CIT: variants seen among roughly 807,000 people sequenced by gnomAD.
The protein encoded by CIT is citron Rho-interacting kinase.
CIT carries 79 observed loss-of-function variants against 272.7 expected under a neutral mutation model. The ratio of observed to expected loss-of-function variants is 0.29; its 90% CI spans 0.24 to 0.35. The LOEUF is 0.35. Ranked by LOEUF, CIT falls within the 10% of genes least tolerant of loss-of-function variation. The probability of loss-of-function intolerance (pLI) is 1.00; values close to 1 mark genes in which losing one functional copy is unlikely to be tolerated. For synonymous variants in CIT, 948 were observed against 995.6 expected, an observed-to-expected ratio of 0.95 and a Z score of 0.90; for missense variants, 1,909 against 2,618.3, an observed-to-expected ratio of 0.73 and a Z score of 5.91.
At chr12:119,763,075 T>C (rs1962012241) in intron 19 of CIT, among the ~76,000 whole-genome samples, 1 of 151,964 alleles carries the variant, frequency 6.6e-6, no homozygotes, top group Admixed American at 6.6e-5. Context: ...TAAAAGAACA[T>C]ACGGATCTCT....
rs1448925029 is a variant in CIT at position 119,686,177 on chromosome 12, G to A, written c.*2055C>T. 6.6e-6 allele frequency: 1 copy of A among 151,788 alleles called. No individual in the cohort carries two copies. Among genetic ancestry groups the A allele is most frequent in the Non-Finnish European group, 1.5e-5 (1 of 67,924 alleles). The allele number at this position is 151,788 out of a possible 1,614,324, so 9.4% of individuals were successfully genotyped here. On this transcript the variant is annotated 3_prime_UTR_variant, in exon 48 of 48. Transcript: ENST00000392521. ...ATAAAGTTTCTTGTAAATATGTACA[G>A]TCTTTTGAGCTAGTTCTATATAGCA...
chr12:119,774,900 T>G (rs1252639212), intron 16 of CIT, among the ~76,000 whole-genome samples: 1 of 151,132 alleles, frequency 6.6e-6, no homozygotes, highest in Non-Finnish European at 1.5e-5. Context: ...CCTGAGCGTG[T>G]GAAGTCAAGG....
At chr12:119,808,048 C>T (rs1966709282) in intron 9 of CIT, among the ~76,000 whole-genome samples, 1 of 151,974 alleles carries the variant, frequency 6.6e-6, no homozygotes, top group Admixed American at 6.5e-5. Flanking sequence ...GTTTTTGTTT[C>T]AGTTATAAAA....
At chr12:119,810,537 T>TA (rs942463209) in intron 9 of CIT, among the ~76,000 whole-genome samples, 8 of 151,312 alleles carry the variant, frequency 5.3e-5, no homozygotes, top group East Asian at 1.9e-4. Flanking sequence ...CCATCTCTAC[T>TA]AAAAAAAATA....
intron 5 of CIT, among the ~76,000 whole-genome samples, chr12:119,836,229 G>A (rs1968999410): frequency 7.1e-6 from 1 of 140,418 alleles, no homozygotes; most frequent in Non-Finnish European, 1.5e-5. Flanking sequence ...AGAGGTTGCA[G>A]TGAGCTGAGA....
chr12:119,710,603 G>A lies in CIT; in HGVS notation c.4872C>T (p.Ser1624=). Reference sequence around the variant, plus strand: ...GGTCATCACCTTCCAGTTTCAGCAGGGAGTTTCCAAGCAGTTTCTTTTCAT... The same window carrying A: ...GGTCATCACCTTCCAGTTTCAGCAGAGAGTTTCCAAGCAGTTTCTTTTCAT... The part of the protein sequence containing the change: ...AEADAKLLGN[S]LLKLEGDDRL... Residue 1624 remains serine (S), a synonymous_variant, in exon 38 of 48, where the codon TCC becomes TCT. Coordinates refer to ENST00000392521, the MANE Select transcript of CIT (RefSeq NM_001206999.2). The surrounding 1 kb of genome is among the most constrained non-coding windows in gnomAD (Gnocchi z 5.6). 6.2e-7 allele frequency: 1 copy of A among 1,614,154 alleles called. No homozygotes were observed. The highest frequency in any genetic ancestry group is 1.7e-5 in the Admixed American group (1 of 60,020).
At chr12:119,699,960 T>G in intron 44 of CIT, 1 of 453,922 alleles carries the variant, frequency 2.2e-6, no homozygotes, top group South Asian at 1.5e-5. Flanking sequence ...AGTTCCACTT[T>G]TAGGAGCTTA....
At position 119,687,466 on chromosome 12, in the gene CIT, G is replaced by C. The variant is rs1291098539; in HGVS notation, c.*766C>G. 3.3e-5 allele frequency: 5 copies of C among 152,684 alleles called. No homozygotes were observed. Among genetic ancestry groups the C allele is most frequent in the Non-Finnish European group, 7.3e-5 (5 of 68,116 alleles). The allele number at this position is 152,684 out of a possible 1,614,324, so 9.5% of individuals were successfully genotyped here. Reference sequence around the variant, plus strand: ...GGGGTGGGGAAGGAAAGCGTCTCGAGGTCCCTTGGCCCCAAGTCACTGCCT... The same window carrying C: ...GGGGTGGGGAAGGAAAGCGTCTCGACGTCCCTTGGCCCCAAGTCACTGCCT... On this transcript the variant is annotated 3_prime_UTR_variant, in exon 48 of 48. Coordinates refer to ENST00000392521, the MANE Select transcript of CIT (RefSeq NM_001206999.2).
intron 5 of CIT, among the ~76,000 whole-genome samples, chr12:119,839,006 G>A (rs2138164938): frequency 6.6e-6 from 1 of 152,330 alleles, no homozygotes; most frequent in East Asian, 1.9e-4. Flanking sequence ...GCCTGGCTTG[G>A]AGCTATAATG....
chr12:119,848,474 C>T (rs1969976538), intron 5 of CIT, among the ~76,000 whole-genome samples: 1 of 152,136 alleles, frequency 6.6e-6, no homozygotes, highest in Admixed American at 6.6e-5. Context: ...CCAGGATACA[C>T]TTGTTAAATT....
intron 10 of CIT, among the ~76,000 whole-genome samples, chr12:119,785,384 TCA>T (rs368404646): frequency 6.4e-4 from 97 of 151,866 alleles, no homozygotes; most frequent in African/African-American, 2.3e-3. Context: ...AGGATCGGAG[TCA>T]CAGAGACCTG....
chr12:119,735,393 A>T (rs545794471), intron 24 of CIT, 36 bp from the exon 25 acceptor site: 1 of 1,598,842 alleles, frequency 6.3e-7, no homozygotes, highest in South Asian at 1.1e-5. Flanking sequence ...CACGCCAAGC[A>T]CATTCATTTC....
At chr12:119,875,782 C>T (rs1359903756) in intron 2 of CIT, among the ~76,000 whole-genome samples, 1 of 151,962 alleles carries the variant, frequency 6.6e-6, no homozygotes, top group East Asian at 1.9e-4. Context: ...AGGAGTTCGA[C>T]CCTAGCCTGG....
Position 119,718,507 on chromosome 12 carries a change from C to A in CIT, c.4004-98G>T. ...TGGGCTATCTTTCAAGGACCCAAGA[C>A]CAAAAGAATATGCGTCACATCAACT... On this transcript the variant is annotated intron_variant, in intron 31 of 47. Transcript: ENST00000392521. The surrounding 1 kb of genome is among the most constrained non-coding windows in gnomAD (Gnocchi z 4.8). 5.4e-6 allele frequency: 8 copies of A among 1,481,746 alleles called. No individual in the cohort carries two copies. The highest frequency in any genetic ancestry group is 7.3e-6 in the Non-Finnish European group (8 of 1,095,080). The allele number at this position is 1,481,746 out of a possible 1,614,324, so 91.8% of individuals were successfully genotyped here. A position where few individuals can be genotyped will look rare whatever the true frequency, so the allele number is the denominator to read the frequency against.
chr12:119,809,966 G>A (rs909775775), intron 9 of CIT, among the ~76,000 whole-genome samples: 7 of 152,166 alleles, frequency 4.6e-5, no homozygotes, highest in South Asian at 2.1e-4. Flanking sequence ...GTGGAAGCTC[G>A]CAACCCTTCC....
In CIT at chr12:119,845,943, A is replaced by AACACACACACAC. The variant is rs58381184; in HGVS notation, c.516+4219_516+4230dup. Among the ~76,000 whole-genome samples, 384 of 137,040 alleles carry AACACACACACAC rather than the reference A, an allele frequency of 2.8e-3. 3 individuals carry two copies. Among genetic ancestry groups the AACACACACACAC allele is most frequent in the African/African-American group, 9.5e-3 (339 of 35,872 alleles). The allele number at this position is 137,040 out of a possible 152,430, so 89.9% of individuals were successfully genotyped here. Reference sequence around the variant, plus strand: ...GCAACACGGCAAGACTCCATCTCAAAACACACACACACACACACACACACA... The same window carrying AACACACACACAC: ...GCAACACGGCAAGACTCCATCTCAAAACACACACACACACACACACACACACACACACACACA... On this transcript the variant is annotated intron_variant, in intron 5 of 47. Transcript: ENST00000392521.
chr12:119,815,739 C>T (rs1369731703), intron 9 of CIT, among the ~76,000 whole-genome samples: 2 of 151,658 alleles, frequency 1.3e-5, no homozygotes, highest in East Asian at 1.9e-4. Context: ...TCTTGGGAGG[C>T]AGCATAAAGA....
chr12:119,690,345 G>A lies in CIT; in HGVS notation c.5992C>T (p.Pro1998Ser). The part of the protein sequence containing the change: ...GPSHPREPST[P>S]HRYREGRTEL... Reference sequence around the variant, plus strand: ...GTCCGCCCCTCGCGGTAGCGGTGGGGTGTGCTTGGCTCTCGCGGGTGGCTG... The same window carrying A: ...GTCCGCCCCTCGCGGTAGCGGTGGGATGTGCTTGGCTCTCGCGGGTGGCTG... Residue 1998 changes from proline (P) to serine (S), a missense_variant, in exon 47 of 48, where the codon CCC (proline) becomes TCC (serine). By Grantham distance (74) the Pro-to-Ser change is moderately conservative. Around this residue, in one of 8 missense-constraint regions of CIT, gnomAD observed 780 missense variants for 1,067.2 expected, o/e 0.73. Transcript: ENST00000392521. The surrounding 1 kb of genome is among the most constrained non-coding windows in gnomAD (Gnocchi z 6.0). 1 of 1,598,142 alleles carries A rather than the reference G, an allele frequency of 6.3e-7. No individual in the cohort carries two copies. Among genetic ancestry groups the A allele is most frequent in the Non-Finnish European group, 8.5e-7 (1 of 1,178,530 alleles).
At position 119,687,701 on chromosome 12, in the gene CIT, C is replaced by T. The variant is rs1286008254; in HGVS notation, c.*531G>A. ...TGACCGGGACTGTTCTACACTATGCCTCGGTGGCAAAGACCTGATGATGTG... is the reference window on the plus strand; with the variant it reads ...TGACCGGGACTGTTCTACACTATGCTTCGGTGGCAAAGACCTGATGATGTG... On this transcript the variant is annotated 3_prime_UTR_variant, in exon 48 of 48. Coordinates refer to ENST00000392521, the MANE Select transcript of CIT (RefSeq NM_001206999.2). The T allele has an allele frequency of 1.3e-5, 2 of 153,422 alleles. No individual in the cohort carries two copies. Among genetic ancestry groups the T allele is most frequent in the Non-Finnish European group, 2.9e-5 (2 of 69,510 alleles). The allele number at this position is 153,422 out of a possible 1,614,324, so 9.5% of individuals were successfully genotyped here.
Sources: gnomAD v4.1 joint callset for allele counts (sites outside exome capture counted in the v4.1 genomes callset) on GRCh38, gnomAD v4.1.1 for gene constraint, gnomAD v4.1.1 regional missense constraint, Gnocchi (gnomAD v3.1) non-coding constraint, MANE v1.5 for transcripts, NCBI Gene and HGNC (gene_info 2026-07-23, HGNC 2026-07-21) for gene names.